The following STARD13 variants were observed in gnomAD, a reference collection of about 807,000 sequenced individuals.
The protein encoded by STARD13 is StAR related lipid transfer domain containing 13.
In STARD13, 62 loss-of-function variants were observed where a neutral mutation model predicts 106.4. That is an observed-to-expected ratio of 0.58 (90% CI 0.48 to 0.72). The LOEUF (loss-of-function observed/expected upper bound fraction) is 0.72, where lower values mean the gene tolerates loss of function less well. Ranked by LOEUF, STARD13 falls within the 30% of genes least tolerant of loss-of-function variation. The pLI is 0.00. For synonymous variants in STARD13, 565 were observed against 553.0 expected (o/e 1.02, Z -0.31); for missense variants, 1,387 against 1,424.0 (o/e 0.97, Z 0.42).
At chr13:33,319,656 T>A (rs996100728) in intron 1 of STARD13, among the ~76,000 whole-genome samples, 2 of 152,166 alleles carry the variant, frequency 1.3e-5, no homozygotes, top group Non-Finnish European at 2.9e-5. Context: ...ACCTGCCACA[T>A]CCCTGTTACC....
the STARD13 span, among the ~76,000 whole-genome samples, chr13:33,390,501 A>G: frequency 3.9e-5 from 6 of 152,188 alleles, no homozygotes; most frequent in Non-Finnish European, 8.8e-5. Context: ...AGAATGACAG[A>G]GGGCACTGGG....
At chr13:33,505,315 A>C in the STARD13 span, among the ~76,000 whole-genome samples, 47 of 152,300 alleles carry the variant, frequency 3.1e-4, no homozygotes, top group Admixed American at 9.2e-4. Context: ...GCTGGAATCC[A>C]TCCTCAGGTT....
chr13:33,563,431 T>C, the STARD13 span, among the ~76,000 whole-genome samples: 1 of 147,174 alleles, frequency 6.8e-6, no homozygotes, highest in Non-Finnish European at 1.5e-5. Context: ...TCCACGCATT[T>C]AGAGCCAACT....
chr13:33,664,793 AT>A, the STARD13 span, among the ~76,000 whole-genome samples: 1 of 151,946 alleles, frequency 6.6e-6, no homozygotes. Context: ...CGCCCGGCTA[AT>A]TTTTTGTATT....
chr13:33,592,823 A>T, the STARD13 span, among the ~76,000 whole-genome samples: 169 of 152,334 alleles, frequency 1.1e-3, 1 homozygote, highest in African/African-American at 3.8e-3. Flanking sequence ...GCAAATGCTT[A>T]TTGAGTACCT....
intron 7 of STARD13, among the ~76,000 whole-genome samples, chr13:33,123,362 A>T (rs1876665616): frequency 6.6e-6 from 1 of 152,226 alleles, no homozygotes; most frequent in African/African-American, 2.4e-5. Context: ...AATGATGTTT[A>T]TCAGGACTTC....
chr13:33,154,314 C>A (rs1881684747), intron 3 of STARD13, among the ~76,000 whole-genome samples: 1 of 152,178 alleles, frequency 6.6e-6, no homozygotes, highest in Non-Finnish European at 1.5e-5. Context: ...GGTCAGGCTG[C>A]AGCAGGAATA....
At chr13:33,429,530 A>G in the STARD13 span, among the ~76,000 whole-genome samples, 1 of 152,116 alleles carries the variant, frequency 6.6e-6, no homozygotes, top group Admixed American at 6.5e-5. Context: ...TCTCAAAAAA[A>G]AAAAAAGAAA....
intron 1 of STARD13, 57 bp downstream of exon 1, chr13:33,285,413 G>GA (rs1040545345): frequency 7.8e-6 from 12 of 1,547,638 alleles, no homozygotes; most frequent in Non-Finnish European, 8.8e-6. Flanking sequence ...GGGTTAGCAT[G>GA]AAATAGAGCC....
chr13:33,653,362 A>G, the STARD13 span, among the ~76,000 whole-genome samples: 1 of 152,210 alleles, frequency 6.6e-6, no homozygotes, highest in South Asian at 2.1e-4. Flanking sequence ...TCAGAATCCA[A>G]AAATAAACCC....
At chr13:33,154,298 C>A (rs1881681796) in intron 3 of STARD13, among the ~76,000 whole-genome samples, 1 of 152,164 alleles carries the variant, frequency 6.6e-6, no homozygotes, top group African/African-American at 2.4e-5. Context: ...TGATGTTCTG[C>A]CGAGTGGTCA....
chr13:33,408,467 A>G, the STARD13 span, among the ~76,000 whole-genome samples: 1 of 152,014 alleles, frequency 6.6e-6, no homozygotes, highest in Non-Finnish European at 1.5e-5. Context: ...GATCATCCAC[A>G]TTATAGCATG....
chr13:33,325,939 A>C (rs550725581), intron 1 of STARD13, among the ~76,000 whole-genome samples: 148 of 144,770 alleles, frequency 1.0e-3, no homozygotes, highest in African/African-American at 3.6e-3. Flanking sequence ...GAGCCGAAAT[A>C]GCGCCACTGC....
chr13:33,656,647 C>G, the STARD13 span, among the ~76,000 whole-genome samples: 3 of 152,152 alleles, frequency 2.0e-5, no homozygotes, highest in Non-Finnish European at 4.4e-5. Flanking sequence ...TGGGATCATT[C>G]CTGGATTTTC....
the STARD13 span, among the ~76,000 whole-genome samples, chr13:33,639,136 A>C: frequency 6.6e-6 from 1 of 152,228 alleles, no homozygotes; most frequent in Non-Finnish European, 1.5e-5. Context: ...AAATAAGATA[A>C]TGCCAGATGA....
the STARD13 span, among the ~76,000 whole-genome samples, chr13:33,370,619 C>CTTTTTTTTTTTTTT: frequency 7.6e-6 from 1 of 131,620 alleles, no homozygotes; most frequent in Non-Finnish European, 1.6e-5. Context: ...TTCTTTCTTT[C>CTTTTTTTTTTTTTT]TTTTTTTTTT....
At chr13:33,622,706 G>C in the STARD13 span, among the ~76,000 whole-genome samples, 5 of 149,904 alleles carry the variant, frequency 3.3e-5, no homozygotes, top group African/African-American at 4.9e-5. Context: ...CGGATCACGA[G>C]GTCAGGAGAT....
At chr13:33,460,729 C>T in the STARD13 span, among the ~76,000 whole-genome samples, 3 of 151,150 alleles carry the variant, frequency 2.0e-5, no homozygotes, top group Non-Finnish European at 4.4e-5. Flanking sequence ...GTAGAATCAA[C>T]TCAAAAAAAA....
the STARD13 span, among the ~76,000 whole-genome samples, chr13:33,527,002 T>C: frequency 6.6e-6 from 1 of 152,152 alleles, no homozygotes; most frequent in Non-Finnish European, 1.5e-5. Context: ...AGAAGAGAAC[T>C]GTTTTGTTCT....
Sources: allele counts gnomAD v4.1 joint callset (sites outside exome capture counted in the v4.1 genomes callset), GRCh38; gene constraint gnomAD v4.1.1; transcripts MANE v1.5; gene names NCBI Gene and HGNC (gene_info 2026-07-23, HGNC 2026-07-21).